The following DCAF17 variants were observed in gnomAD, a reference collection of about 807,000 sequenced individuals.
DCAF17 encodes DDB1- and CUL4-associated factor 17.
Under a neutral mutation model 66.0 loss-of-function variants are expected in DCAF17, and 48 were observed. That is an observed-to-expected ratio of 0.73 (90% CI 0.58 to 0.92). The LOEUF (loss-of-function observed/expected upper bound fraction) is 0.92. Among genes scored for constraint, DCAF17 ranks in the 40% least tolerant of loss-of-function variants. The probability of loss-of-function intolerance (pLI) is 0.00; values close to 1 mark genes in which losing one functional copy is unlikely to be tolerated. For missense variants in DCAF17, 562 were observed against 622.8 expected (o/e 0.90, Z 1.04); for synonymous variants, 206 against 214.6 (o/e 0.96, Z 0.35).
chr2:171,450,653 A>G (rs1694896716), intron 5 of DCAF17, among the ~76,000 whole-genome samples: 1 of 152,232 alleles, frequency 6.6e-6, no homozygotes. Flanking sequence ...GACACCTAGA[A>G]AAAGCAAATA....
intron 5 of DCAF17, among the ~76,000 whole-genome samples, chr2:171,450,485 C>T (rs1694886510): frequency 6.6e-6 from 1 of 151,594 alleles, no homozygotes; most frequent in Admixed American, 6.6e-5. Flanking sequence ...AAGAATTACC[C>T]AGGATTTACT....
chr2:171,456,279 G>GT (rs1351361578), intron 6 of DCAF17, among the ~76,000 whole-genome samples: 5 of 152,160 alleles, frequency 3.3e-5, no homozygotes, highest in African/African-American at 1.2e-4. Flanking sequence ...CCCATTGCTT[G>GT]TTTTTGTCAA....
rs748586810 is a variant in DCAF17 at position 171,434,672 on chromosome 2, A to C, written c.95A>C (p.Asn32Thr). 7.7e-5 allele frequency: 117 copies of C among 1,511,968 alleles called. No individual in the cohort carries two copies. The highest frequency in any genetic ancestry group is 2.0e-4 in the Middle Eastern group (1 of 5,024). The allele number at this position is 1,511,968 out of a possible 1,614,324, so 93.7% of individuals were successfully genotyped here. Residue 32 changes from asparagine to threonine, a missense_variant, in exon 1 of 14, where the codon AAC becomes ACC. This residue lies in a region of DCAF17 where 348 missense variants were observed against 355.9 expected (regional missense o/e 0.98). Coordinates refer to ENST00000375255, the MANE Select transcript of DCAF17 (RefSeq NM_025000.4). ...SRDAGVVQRTNLGILRALVCQ... is the reference protein window; with the variant it reads ...SRDAGVVQRTTLGILRALVCQ... ...GACGCAGGCGTGGTGCAGAGGACCA[A>C]CCTGGGCATCCTGCGGGCGCTGGTG...
intron 6 of DCAF17, among the ~76,000 whole-genome samples, chr2:171,456,460 T>G (rs1412369243): frequency 6.6e-6 from 1 of 152,238 alleles, no homozygotes; most frequent in Non-Finnish European, 1.5e-5. Flanking sequence ...TTCTTTTTGC[T>G]TAGGATTGCC....
At chr2:171,458,540 T>G in intron 8 of DCAF17, 63 bp downstream of exon 8, 6 of 1,220,982 alleles carry the variant, frequency 4.9e-6, no homozygotes, top group Non-Finnish European at 6.0e-6. Context: ...AAATAGTTAT[T>G]AATTATAGTC....
chr2:171,475,251 AT>A (rs1696442261), intron 10 of DCAF17, among the ~76,000 whole-genome samples: 1 of 152,034 alleles, frequency 6.6e-6, no homozygotes, highest in African/African-American at 2.4e-5. Context: ...CCCTTGTTAG[AT>A]TTGCTTGCCC....
intron 13 of DCAF17, 57 bp from the exon 14 acceptor site, chr2:171,480,917 C>T: frequency 4.4e-6 from 7 of 1,606,726 alleles, no homozygotes; most frequent in Admixed American, 1.7e-5. Flanking sequence ...ATTTTAGTAA[C>T]ACAGTAGTGA....
intron 9 of DCAF17, among the ~76,000 whole-genome samples, chr2:171,471,946 T>G (rs1260754871): frequency 6.8e-6 from 1 of 147,086 alleles, no homozygotes; most frequent in Non-Finnish European, 1.5e-5. Context: ...GGCCAAGAGG[T>G]CAAGGCTCCA....
intron 13 of DCAF17, 100 bp downstream of exon 13, chr2:171,480,293 T>TA: frequency 2.8e-6 from 4 of 1,423,698 alleles, no homozygotes; most frequent in Non-Finnish European, 2.9e-6. Context: ...CAGACTCACC[T>TA]ATGCCAATGA....
chr2:171,462,580 T>G (rs1695646881), intron 8 of DCAF17, among the ~76,000 whole-genome samples: 1 of 152,192 alleles, frequency 6.6e-6, no homozygotes, highest in Non-Finnish European at 1.5e-5. Flanking sequence ...TGGTAAAAGT[T>G]TAGGCACTTT....
chr2:171,473,973 C>A lies in DCAF17; in HGVS notation c.1089C>A (p.Val363=). ...TAATACATGTTGGTCCAAATCAAGT[C>A]AAGTGAGTAATCTCATTAGCACTTG... ...GRIIHVGPNQ[V]KVLKLTEIEN... Residue 363 remains valine, a splice_region_variant and synonymous_variant, in exon 10 of 14, where the codon GTC becomes GTA. Transcript: ENST00000375255. 1 of 1,611,164 alleles carries A rather than the reference C, an allele frequency of 6.2e-7. No individual in the cohort carries two copies. Among genetic ancestry groups the A allele is most frequent in the South Asian group, 1.1e-5 (1 of 90,946 alleles).
intron 6 of DCAF17, among the ~76,000 whole-genome samples, chr2:171,453,493 TC>T (rs1184930766): frequency 6.6e-6 from 1 of 152,126 alleles, no homozygotes; most frequent in Non-Finnish European, 1.5e-5. Context: ...GTTTTTTTTT[TC>T]CAGAAGGAAC....
chr2:171,478,095 A>G (rs191247827), intron 12 of DCAF17, 25 bp downstream of exon 12: 10 of 1,570,436 alleles, frequency 6.4e-6, no homozygotes, highest in African/African-American at 1.4e-5. Context: ...AGAGATGACA[A>G]ACCAAACCAG....
chr2:171,463,242 A>G (rs1453344270), intron 8 of DCAF17, among the ~76,000 whole-genome samples: 7 of 150,982 alleles, frequency 4.6e-5, no homozygotes, highest in Admixed American at 4.6e-4. Context: ...AAAAAAAAAC[A>G]GAAAGAAGAA....
intron 9 of DCAF17, among the ~76,000 whole-genome samples, chr2:171,471,587 T>G (rs1696245767): frequency 6.6e-6 from 1 of 152,242 alleles, no homozygotes; most frequent in Admixed American, 6.5e-5. Flanking sequence ...TTAATTACAT[T>G]AATTTTCTTT....
Position 171,480,969 on chromosome 2 carries a change from TACAG to T in DCAF17, c.1423-1_1425del. On this transcript the variant is annotated splice_acceptor_variant and splice_polypyrimidine_tract_variant and intron_variant, in intron 13 of 13. Coordinates refer to ENST00000375255, the MANE Select transcript of DCAF17 (RefSeq NM_025000.4). LOFTEE classifies it high-confidence loss of function. ...AGGACTCCATATGATTGTGTTTTGT[TACAG>T]ACATATAGCCATGAAGTCTACTTTG... 1 of 1,613,620 alleles carries T rather than the reference TACAG, an allele frequency of 6.2e-7. No homozygotes were observed. Among genetic ancestry groups the T allele is most frequent in the Non-Finnish European group, 8.5e-7 (1 of 1,179,564 alleles).
At chr2:171,459,200 C>A (rs1300696668) in intron 8 of DCAF17, among the ~76,000 whole-genome samples, 1 of 151,964 alleles carries the variant, frequency 6.6e-6, no homozygotes, top group Non-Finnish European at 1.5e-5. Context: ...CCCACCTACT[C>A]GCAAGGGAGG....
chr2:171,464,299 A>T (rs940685972), intron 8 of DCAF17, among the ~76,000 whole-genome samples: 7 of 152,188 alleles, frequency 4.6e-5, no homozygotes, highest in African/African-American at 1.7e-4. Context: ...AGAAATTCAG[A>T]ATTAAGGTGT....
chr2:171,482,278 ACAG>A lies in DCAF17; in HGVS notation c.*1170_*1172del, dbSNP rs1696775289. 2 of 453,868 alleles carry A rather than the reference ACAG, an allele frequency of 4.4e-6. No individual in the cohort carries two copies. The highest frequency in any genetic ancestry group is 3.1e-5 in the South Asian group (2 of 64,408). The allele number at this position is 453,868 out of a possible 1,614,324, so 28.1% of individuals were successfully genotyped here. On this transcript the variant is annotated 3_prime_UTR_variant, in exon 14 of 14. Transcript: ENST00000375255. Reference sequence around the variant, plus strand: ...GAATAACTGGTAATAAGGGAAGGAAACAGCAGCAACAATCATTGCTGATTCAAG... The same window carrying A: ...GAATAACTGGTAATAAGGGAAGGAAACAGCAACAATCATTGCTGATTCAAG...
Sources: gnomAD v4.1 joint callset for allele counts (sites outside exome capture counted in the v4.1 genomes callset) on GRCh38, gnomAD v4.1.1 for gene constraint, gnomAD v4.1.1 regional missense constraint, MANE v1.5 for transcripts, NCBI Gene and HGNC (gene_info 2026-07-23, HGNC 2026-07-21) for gene names.